The following SENP6 variants were observed in gnomAD, a reference collection of about 807,000 sequenced individuals.
The protein encoded by SENP6 is sentrin-specific protease 6.
SENP6 carries 41 observed loss-of-function variants against 134.5 expected under a neutral mutation model. That is an observed-to-expected ratio of 0.30 (90% CI 0.24 to 0.40). The LOEUF is 0.40. SENP6 is among the 10% of genes least tolerant of loss of function. The pLI, the probability that SENP6 is intolerant of heterozygous loss-of-function variation, is 1.00. For synonymous variants in SENP6, 395 were observed against 429.8 expected, an observed-to-expected ratio of 0.92 and a Z score of 1.00; for missense variants, 1,248 against 1,312.5, an observed-to-expected ratio of 0.95 and a Z score of 0.76.
At chr6:75,650,449 A>G (rs1235315109) in intron 7 of SENP6, among the ~76,000 whole-genome samples, 1 of 152,188 alleles carries the variant, frequency 6.6e-6, no homozygotes, top group Non-Finnish European at 1.5e-5. Flanking sequence ...TCTTGCTGGC[A>G]TCAGTTACTG....
At chr6:75,659,106 A>G (rs1012584714) in intron 7 of SENP6, among the ~76,000 whole-genome samples, 156 bp from the exon 8 acceptor site, 4 of 152,084 alleles carry the variant, frequency 2.6e-5, no homozygotes, top group Non-Finnish European at 5.9e-5. Context: ...GAAGTGGTCC[A>G]TATGTGGAGA....
At chr6:75,703,324 A>G (rs1775171203) in intron 19 of SENP6, among the ~76,000 whole-genome samples, 1 of 152,126 alleles carries the variant, frequency 6.6e-6, no homozygotes, top group South Asian at 2.1e-4. Flanking sequence ...TTTTTAAAGA[A>G]TTTACTTATA....
At chr6:75,713,037 A>G (rs1334143691) in intron 21 of SENP6, among the ~76,000 whole-genome samples, 1 of 152,124 alleles carries the variant, frequency 6.6e-6, no homozygotes, top group Admixed American at 6.6e-5. Flanking sequence ...CGCTCAGGAC[A>G]TTGAAGCTGC....
intron 1 of SENP6, among the ~76,000 whole-genome samples, chr6:75,619,175 G>A (rs1768078333): frequency 6.6e-6 from 1 of 151,808 alleles, no homozygotes; most frequent in Non-Finnish European, 1.5e-5. Context: ...TTTATTTTTG[G>A]ATCTTTTAAA....
At chr6:75,711,456 T>C (rs1203518143) in intron 21 of SENP6, 40 bp downstream of exon 21, 2 of 1,326,244 alleles carry the variant, frequency 1.5e-6, no homozygotes, top group African/African-American at 1.5e-5. Flanking sequence ...ACATAATTTT[T>C]AAGTATGCTC....
At chr6:75,654,189 G>C (rs1771134469) in intron 7 of SENP6, among the ~76,000 whole-genome samples, 1 of 152,184 alleles carries the variant, frequency 6.6e-6, no homozygotes, top group Non-Finnish European at 1.5e-5. Flanking sequence ...GAGGCACTGT[G>C]ATCACGCCTC....
chr6:75,705,925 CTTTTTTTTTTTT>C (rs71544062), intron 19 of SENP6, among the ~76,000 whole-genome samples: 2 of 47,942 alleles, frequency 4.2e-5, no homozygotes, highest in Admixed American at 2.5e-4. Context: ...ATTTTTGAGC[CTTTTTTTTTTTT>C]TTTTTTTTTT....
chr6:75,614,404 T>G (rs190698111), intron 1 of SENP6, among the ~76,000 whole-genome samples: 167 of 152,192 alleles, frequency 1.1e-3, no homozygotes, highest in African/African-American at 3.8e-3. Flanking sequence ...TAGCTGGGAT[T>G]ACAGGTGTGC....
intron 18 of SENP6, among the ~76,000 whole-genome samples, chr6:75,700,556 G>A (rs371470340): frequency 2.6e-5 from 4 of 151,902 alleles, no homozygotes; most frequent in African/African-American, 7.3e-5. Context: ...GCACCATCTC[G>A]GCTCACTGCA....
intron 23 of SENP6, 137 bp from the exon 24 acceptor site, chr6:75,715,248 G>C (rs573093521): frequency 5.7e-4 from 373 of 653,514 alleles, no homozygotes; most frequent in Non-Finnish European, 8.1e-4. Context: ...ACAGTACTTG[G>C]CATGTGATAG....
At position 75,659,402 on chromosome 6, in the gene SENP6, T is replaced by G; in HGVS notation, c.691T>G (p.Leu231Val). 6.2e-7 allele frequency: 1 copy of G among 1,607,020 alleles called. No homozygotes were observed. Among genetic ancestry groups the G allele is most frequent in the Non-Finnish European group, 8.5e-7 (1 of 1,175,052 alleles). Residue 231 changes from leucine (L) to valine (V), a missense_variant, in exon 8 of 24, where the codon TTA (leucine) becomes GTA (valine). By Grantham distance (32) the Leu-to-Val change is conservative (BLOSUM62 1). Transcript: ENST00000447266. ...SPASKKCLTH[L>V]EDLQRNCRQA... ...TGCTTCAAAAAAATGTTTAACCCAT[T>G]TAGAGGTAAGTAGAGAAATTATTCT... is the stretch of plus-strand genomic sequence containing the variant.
chr6:75,704,116 T>C (rs772217198), intron 19 of SENP6, among the ~76,000 whole-genome samples: 194 of 152,202 alleles, frequency 1.3e-3, no homozygotes, highest in Non-Finnish European at 2.4e-3. Context: ...TGTAGGTATG[T>C]CTCGTCAGGT....
intron 3 of SENP6, among the ~76,000 whole-genome samples, chr6:75,625,949 A>G (rs1768656800): frequency 6.6e-6 from 1 of 152,204 alleles, no homozygotes; most frequent in South Asian, 2.1e-4. Context: ...CAATAGTAAT[A>G]CCAACATAAT....
intron 5 of SENP6, among the ~76,000 whole-genome samples, chr6:75,635,230 G>A (rs1459994027): frequency 6.6e-6 from 1 of 152,144 alleles, no homozygotes; most frequent in Admixed American, 6.5e-5. Context: ...AAATGTTGGA[G>A]AAAATGTTAT....
intron 16 of SENP6, among the ~76,000 whole-genome samples, chr6:75,681,289 T>A (rs1163636652): frequency 6.6e-6 from 1 of 152,096 alleles, no homozygotes; most frequent in Non-Finnish European, 1.5e-5. Context: ...CACCTCCCCC[T>A]TTGCTCTCTG....
chr6:75,603,826 C>T (rs1370111273), intron 1 of SENP6, among the ~76,000 whole-genome samples: 3 of 152,070 alleles, frequency 2.0e-5, no homozygotes, highest in Non-Finnish European at 4.4e-5. Flanking sequence ...AAAAAAAAGT[C>T]TTACCGTACA....
chr6:75,654,505 C>T (rs1191179479), intron 7 of SENP6, among the ~76,000 whole-genome samples: 1 of 152,034 alleles, frequency 6.6e-6, no homozygotes, highest in Non-Finnish European at 1.5e-5. Flanking sequence ...TAGTATTTAG[C>T]CAGAAGTGAT....
At chr6:75,651,257 T>A (rs1770838817) in intron 7 of SENP6, among the ~76,000 whole-genome samples, 2 of 152,290 alleles carry the variant, frequency 1.3e-5, no homozygotes, top group Admixed American at 1.3e-4. Flanking sequence ...ACATATATTG[T>A]CCCTGAATGT....
chr6:75,691,139 T>TA (rs202208481), intron 16 of SENP6, among the ~76,000 whole-genome samples: 46 of 146,410 alleles, frequency 3.1e-4, no homozygotes, highest in South Asian at 3.0e-3. Flanking sequence ...CATTCCCAGC[T>TA]AAAATTTTTT....
Sources: allele counts gnomAD v4.1 joint callset (sites outside exome capture counted in the v4.1 genomes callset), GRCh38; gene constraint gnomAD v4.1.1; transcripts MANE v1.5; gene names NCBI Gene and HGNC (gene_info 2026-07-23, HGNC 2026-07-21).